The following CLIC6 variants were observed in gnomAD, a reference collection of about 807,000 sequenced individuals.
The protein encoded by CLIC6 is CLIC family member 6.
A neutral mutation model predicts 49.2 loss-of-function variants in CLIC6; 39 were observed. The ratio of observed to expected loss-of-function variants is 0.79; its 90% CI spans 0.61 to 1.04. The LOEUF (loss-of-function observed/expected upper bound fraction) is 1.04. CLIC6 is among the 50% of genes least tolerant of loss of function. The pLI, the probability that CLIC6 is intolerant of heterozygous loss-of-function variation, is 0.00. For missense variants in CLIC6, 988 were observed against 993.1 expected (o/e 0.99, Z 0.07); for synonymous variants, 446 against 433.4 (o/e 1.03, Z -0.36).
intron 1 of CLIC6, among the ~76,000 whole-genome samples, chr21:34,691,768 G>C (rs116745503): frequency 2.0e-4 from 30 of 152,094 alleles, no homozygotes; most frequent in African/African-American, 6.3e-4. Flanking sequence ...GTTCATTTGC[G>C]TGCTTTTTTT....
intron 1 of CLIC6, among the ~76,000 whole-genome samples, chr21:34,671,594 G>T (rs1020431811): frequency 1.3e-5 from 2 of 152,168 alleles, no homozygotes; most frequent in Non-Finnish European, 2.9e-5. Flanking sequence ...CTCAGCAGCA[G>T]TTCACACCAG....
intron 5 of CLIC6, among the ~76,000 whole-genome samples, chr21:34,713,012 T>C (rs2056066841): frequency 6.6e-6 from 1 of 152,238 alleles, no homozygotes; most frequent in African/African-American, 2.4e-5. Context: ...ACCTGCCCTG[T>C]CTCACTCCCT....
chr21:34,690,082 C>T (rs1989962195), intron 1 of CLIC6, among the ~76,000 whole-genome samples: 1 of 152,186 alleles, frequency 6.6e-6, no homozygotes, highest in Non-Finnish European at 1.5e-5. Context: ...TTGTTTGGAG[C>T]TTCCGGCAGG....
chr21:34,700,845 G>A lies in CLIC6; in HGVS notation c.1375-6435G>A, dbSNP rs1310078303. ...CTGGACGCTTGCCACCTCCGCCACG[G>A]GTCAAGGTGTGCTCAGCCGTCCAGG... is the stretch of plus-strand genomic sequence containing the variant. On this transcript the variant is annotated intron_variant, in intron 1 of 5. Transcript: ENST00000349499. Among the ~76,000 whole-genome samples, 2 of 139,714 alleles carry A rather than the reference G, an allele frequency of 1.4e-5. 1 individual carries two copies. Among genetic ancestry groups the A allele is most frequent in the African/African-American group, 5.7e-5 (2 of 35,034 alleles). The allele number at this position is 139,714 out of a possible 152,430, so 91.7% of individuals were successfully genotyped here.
intron 1 of CLIC6, among the ~76,000 whole-genome samples, chr21:34,688,439 C>G (rs890967019): frequency 1.3e-5 from 2 of 152,206 alleles, no homozygotes; most frequent in Non-Finnish European, 2.9e-5. Context: ...GCTGGCGTTC[C>G]CCTGGCCTTA....
chr21:34,709,398 A>C lies in CLIC6; in HGVS notation c.1759A>C (p.Asn587His), dbSNP rs2056039858. Residue 587 changes from asparagine (N) to histidine (H), a missense_variant, in exon 5 of 6, where the codon AAT becomes CAT. Transcript: ENST00000349499. ...NLLKALRKLD[N>H]YLNSPLPDEI... is the part of the protein sequence containing the mutation. The stretch of plus-strand genomic sequence containing the variant: ...GCTGAAGGCCCTGAGGAAGCTGGAT[A>C]ATTACTTAAATAGCCCTCTGCCTGA... 3.1e-6 allele frequency: 5 copies of C among 1,614,142 alleles called. No homozygotes were observed. The East Asian group carries it at 8.9e-5, about 29-fold the overall frequency.
At chr21:34,682,246 G>A (rs997060830) in intron 1 of CLIC6, among the ~76,000 whole-genome samples, 7 of 152,186 alleles carry the variant, frequency 4.6e-5, no homozygotes. Flanking sequence ...CCTCTTCAAA[G>A]AGGTGATACC....
chr21:34,678,303 G>T (rs1009215219), intron 1 of CLIC6, among the ~76,000 whole-genome samples: 16 of 151,460 alleles, frequency 1.1e-4, no homozygotes, highest in Non-Finnish European at 2.2e-4. Context: ...TCACCCGGGC[G>T]TGGTGGCGTG....
chr21:34,680,856 T>C (rs1453538873), intron 1 of CLIC6, among the ~76,000 whole-genome samples: 1 of 152,244 alleles, frequency 6.6e-6, no homozygotes, highest in Non-Finnish European at 1.5e-5. Context: ...TTTTGAACTT[T>C]CCCACAGCTT....
Position 34,669,629 on chromosome 21 carries a change from G to C in CLIC6, c.241G>C (p.Gly81Arg). The change falls in exon 1 of 6, where the codon GGC (glycine) becomes CGC (arginine). Residue 81 changes from glycine to arginine, a missense_variant. Physicochemically the swap from Gly to Arg is moderately radical, Grantham distance 125 (BLOSUM62 -2). This residue lies in a region of CLIC6 where 284 missense variants were observed against 278.6 expected (regional missense o/e 1.02). Coordinates refer to ENST00000349499, the MANE Select transcript of CLIC6 (RefSeq NM_053277.3). ...GGCGCGGGGCACGAGGGGGGCGCACGGCGAGACTGAGGCCGAGGAGGGAGC... is the reference window on the plus strand; with the variant it reads ...GGCGCGGGGCACGAGGGGGGCGCACCGCGAGACTGAGGCCGAGGAGGGAGC... The part of the protein sequence containing the change: ...AEARGTRGAH[G>R]ETEAEEGAPE... 1.6e-6 allele frequency: 2 copies of C among 1,288,356 alleles called. No homozygotes were observed. The highest frequency in any genetic ancestry group is 2.0e-6 in the Non-Finnish European group (2 of 1,020,858). 79.8% of individuals were successfully genotyped at this position (1,288,356 alleles called of 1,614,324 possible). A position where few individuals can be genotyped will look rare whatever the true frequency, so the allele number is the denominator to read the frequency against.
At chr21:34,701,106 T>G (rs1990180278) in intron 1 of CLIC6, among the ~76,000 whole-genome samples, 1 of 141,538 alleles carries the variant, frequency 7.1e-6, no homozygotes. Context: ...ATCGAGACCA[T>G]CCTGGCTAAC....
chr21:34,674,854 A>G (rs1989632536), intron 1 of CLIC6, among the ~76,000 whole-genome samples: 1 of 152,186 alleles, frequency 6.6e-6, no homozygotes, highest in Non-Finnish European at 1.5e-5. Flanking sequence ...AGCAGCAGAG[A>G]GTTAAGTAAG....
intron 1 of CLIC6, among the ~76,000 whole-genome samples, chr21:34,706,705 A>G (rs2056016994): frequency 6.6e-6 from 1 of 152,182 alleles, no homozygotes; most frequent in Non-Finnish European, 1.5e-5. Context: ...TCTTTCTCTC[A>G]ACATTGTGTG....
At position 34,710,660 on chromosome 21, in the gene CLIC6, A is replaced by C. The variant is rs1048586605; in HGVS notation, c.1899+1122A>C. On this transcript the variant is annotated intron_variant, in intron 5 of 5. Coordinates refer to ENST00000349499, the MANE Select transcript of CLIC6 (RefSeq NM_053277.3). ...AACTCCCTATCTACTAAAAATACAA[A>C]AAATTAGCCAGGTGTGGTGGCGGGC... Among the ~76,000 whole-genome samples the C allele has an allele frequency of 2.0e-5, 3 of 152,100 alleles. No homozygotes were observed. In the East Asian group the frequency reaches 5.8e-4, roughly 29 times the overall value.
chr21:34,682,073 G>A (rs1989788926), intron 1 of CLIC6, among the ~76,000 whole-genome samples: 1 of 152,182 alleles, frequency 6.6e-6, no homozygotes, highest in African/African-American at 2.4e-5. Flanking sequence ...TTTTCTTGTA[G>A]GTAGTTGTTT....
At chr21:34,672,999 C>G (rs540693368) in intron 1 of CLIC6, among the ~76,000 whole-genome samples, 5 of 152,274 alleles carry the variant, frequency 3.3e-5, no homozygotes, top group Non-Finnish European at 2.9e-5. Context: ...AACAGTTATC[C>G]CTGCCATTAC....
chr21:34,674,447 A>G (rs1198031436), intron 1 of CLIC6, among the ~76,000 whole-genome samples: 2 of 152,228 alleles, frequency 1.3e-5, no homozygotes, highest in African/African-American at 4.8e-5. Flanking sequence ...CCAGAAAGTC[A>G]TGGCTAACTA....
At position 34,677,919 on chromosome 21, in the gene CLIC6, G is replaced by A. The variant is rs564430973; in HGVS notation, c.1374+7157G>A. ...CTAAGAATGACTTATGTTTTTAAAT[G>A]GTTGGAAAACATTAAAAGAAGAATA... On this transcript the variant is annotated intron_variant, in intron 1 of 5. Coordinates refer to ENST00000349499, the MANE Select transcript of CLIC6 (RefSeq NM_053277.3). Among the ~76,000 whole-genome samples, 4 of 152,176 alleles carry A rather than the reference G, an allele frequency of 2.6e-5. No individual in the cohort carries two copies. The East Asian group carries it at 7.7e-4, about 29-fold the overall frequency.
chr21:34,678,837 A>G (rs1269463634), intron 1 of CLIC6, among the ~76,000 whole-genome samples: 4 of 151,534 alleles, frequency 2.6e-5, no homozygotes, highest in African/African-American at 7.2e-5. Context: ...AAAAGATATA[A>G]TATAATGAGA....
Sources: gnomAD v4.1 joint callset for allele counts (sites outside exome capture counted in the v4.1 genomes callset) on GRCh38, gnomAD v4.1.1 for gene constraint, gnomAD v4.1.1 regional missense constraint, MANE v1.5 for transcripts, NCBI Gene and HGNC (gene_info 2026-07-23, HGNC 2026-07-21) for gene names.